The following CEP85L variants were observed in gnomAD, a reference collection of about 807,000 sequenced individuals.
CEP85L encodes the protein centrosomal protein 85L.
A neutral mutation model predicts 100.3 loss-of-function variants in CEP85L; 60 were observed. That is an observed-to-expected ratio of 0.60 (90% CI 0.49 to 0.74). The LOEUF is 0.74. Among genes scored for constraint, CEP85L ranks in the 30% least tolerant of loss-of-function variants. The pLI is 0.00. For synonymous variants in CEP85L, 319 were observed against 322.7 expected (o/e 0.99, Z 0.12); for missense variants, 973 against 936.2 (o/e 1.04, Z -0.51).
intron 2 of CEP85L, among the ~76,000 whole-genome samples, chr6:118,610,878 C>T (rs978777376): frequency 2.6e-5 from 4 of 151,908 alleles, no homozygotes; most frequent in Admixed American, 1.3e-4. Flanking sequence ...AATATTTTCA[C>T]GTGATAAAAG....
At chr6:118,681,705 A>C (rs1184931233) in intron 1 of CEP85L, among the ~76,000 whole-genome samples, 1 of 151,318 alleles carries the variant, frequency 6.6e-6, no homozygotes, top group Non-Finnish European at 1.5e-5. Context: ...TTCATTATAA[A>C]TAGATCTATT....
At chr6:118,511,466 T>C (rs200881212) in intron 4 of CEP85L, 51 bp from the exon 5 acceptor site, 5 of 1,174,486 alleles carry the variant, frequency 4.3e-6, no homozygotes, top group South Asian at 1.3e-5. Flanking sequence ...TTCTAATAGT[T>C]AGAAGAACCT....
intron 1 of CEP85L, among the ~76,000 whole-genome samples, chr6:118,668,467 G>A (rs1406265556): frequency 1.3e-5 from 2 of 152,152 alleles, no homozygotes; most frequent in Non-Finnish European, 2.9e-5. Flanking sequence ...AGCCAGATGT[G>A]GTACTGTGTG....
chr6:118,545,349 G>T (rs999765762), intron 3 of CEP85L, among the ~76,000 whole-genome samples: 1 of 152,198 alleles, frequency 6.6e-6, no homozygotes, highest in East Asian at 1.9e-4. Context: ...CAGCACTTTG[G>T]GAGGCCGAGG....
chr6:118,646,681 T>C (rs561109286), intron 1 of CEP85L, among the ~76,000 whole-genome samples: 21 of 152,220 alleles, frequency 1.4e-4, no homozygotes, highest in Admixed American at 1.2e-3. Context: ...AAAAATGATA[T>C]TGCTTAAAAA....
In CEP85L at chr6:118,463,493, T is replaced by C. The variant is rs888370008; in HGVS notation, c.*1912A>G. On this transcript the variant is annotated 3_prime_UTR_variant, in exon 13 of 13. Transcript: ENST00000368491. ...TTAGACGTTATTATCTGTTTTACCA[T>C]AAAGGACCAAGGCAGAATTCTTCGC... is the stretch of plus-strand genomic sequence containing the variant. The C allele has an allele frequency of 3.3e-5, 5 of 152,044 alleles. No homozygotes were observed. The highest frequency in any genetic ancestry group is 2.9e-5 in the Non-Finnish European group (2 of 67,928). The allele number at this position is 152,044 out of a possible 1,614,324, so 9.4% of individuals were successfully genotyped here.
chr6:118,564,634 TC>T (rs1395450418), intron 3 of CEP85L, among the ~76,000 whole-genome samples: 1 of 152,204 alleles, frequency 6.6e-6, no homozygotes, highest in Non-Finnish European at 1.5e-5. Context: ...ACAAGTGATT[TC>T]CTTATCCTTT....
At chr6:118,561,848 A>G (rs1001771653) in intron 3 of CEP85L, among the ~76,000 whole-genome samples, 3 of 152,142 alleles carry the variant, frequency 2.0e-5, no homozygotes, top group African/African-American at 4.8e-5. Context: ...AAGTCCAGAC[A>G]CACAAGAGGG....
intron 3 of CEP85L, among the ~76,000 whole-genome samples, chr6:118,555,833 G>A (rs890822789): frequency 6.6e-6 from 1 of 151,848 alleles, no homozygotes; most frequent in African/African-American, 2.4e-5. Context: ...CCCAGCGTCT[G>A]TTGTTTCCTT....
At chr6:118,702,169 C>G (rs1041862095) in intron 1 of CEP85L, among the ~76,000 whole-genome samples, 4 of 151,070 alleles carry the variant, frequency 2.6e-5, no homozygotes, top group African/African-American at 4.9e-5. Context: ...TTCACTATGA[C>G]TAATTGGATG....
chr6:118,658,991 A>G, intron 1 of CEP85L, among the ~76,000 whole-genome samples: 1 of 152,170 alleles, frequency 6.6e-6, no homozygotes. Context: ...TTTTTAACAT[A>G]CTACCTAAAA....
intron 1 of CEP85L, among the ~76,000 whole-genome samples, chr6:118,666,914 G>T (rs1372508710): frequency 6.6e-6 from 1 of 152,184 alleles, no homozygotes; most frequent in African/African-American, 2.4e-5. Context: ...GACTAGATTT[G>T]CTCAGTGACA....
chr6:118,656,487 T>G (rs1162875886), upstream of CEP85L, among the ~76,000 whole-genome samples: 1 of 152,168 alleles, frequency 6.6e-6, no homozygotes, highest in African/African-American at 2.4e-5. Flanking sequence ...GTGGAGGAAT[T>G]GATCTGTGAG....
chr6:118,608,632 C>G (rs1772407567), intron 2 of CEP85L, among the ~76,000 whole-genome samples: 1 of 152,108 alleles, frequency 6.6e-6, no homozygotes, highest in Non-Finnish European at 1.5e-5. Context: ...CCACATTTTT[C>G]AGGCCTAATA....
intron 12 of CEP85L, 88 bp downstream of exon 12, chr6:118,468,983 TA>T (rs1772735509): frequency 7.3e-6 from 6 of 826,686 alleles, no homozygotes; most frequent in Non-Finnish European, 9.8e-6. Context: ...ATTACAAAAA[TA>T]AACAGAGAAA....
chr6:118,463,047 G>C lies in CEP85L; in HGVS notation c.*2358C>G, dbSNP rs1364402845. The C allele has an allele frequency of 6.6e-6, 1 of 151,776 alleles. No homozygotes were observed. The allele number at this position is 151,776 out of a possible 1,614,324, so 9.4% of individuals were successfully genotyped here. The stretch of plus-strand genomic sequence containing the variant: ...GGGGAGGGTACAGATTTTGGAAACT[G>C]AAATGCATCAGCAGTAGTTTTGTTA... On this transcript the variant is annotated 3_prime_UTR_variant, in exon 13 of 13. Coordinates refer to ENST00000368491, the MANE Select transcript of CEP85L (RefSeq NM_001042475.3).
chr6:118,698,600 T>A (rs2114348090), intron 1 of CEP85L, among the ~76,000 whole-genome samples: 1 of 152,128 alleles, frequency 6.6e-6, no homozygotes, highest in South Asian at 2.1e-4. Flanking sequence ...TATGTCTTGA[T>A]TCACTGTGAT....
At position 118,603,041 on chromosome 6, in the gene CEP85L, C is replaced by T. The variant is rs542700780; in HGVS notation, c.232+29412G>A. Among the ~76,000 whole-genome samples, 32 of 152,210 alleles carry T rather than the reference C, an allele frequency of 2.1e-4. 1 individual carries two copies. In the South Asian group the frequency reaches 2.5e-3, roughly 12 times the overall value. On this transcript the variant is annotated intron_variant, in intron 2 of 12. Coordinates refer to ENST00000368491, the MANE Select transcript of CEP85L (RefSeq NM_001042475.3). Reference sequence around the variant, plus strand: ...TTCACCATGTTGGCCAGGCTGGTCTCGAACTCCTGACCTCATGATCCACCC... The same window carrying T: ...TTCACCATGTTGGCCAGGCTGGTCTTGAACTCCTGACCTCATGATCCACCC...
chr6:118,471,528 T>C (rs1343618093), intron 10 of CEP85L, among the ~76,000 whole-genome samples: 2 of 151,996 alleles, frequency 1.3e-5, no homozygotes, highest in Non-Finnish European at 2.9e-5. Context: ...TTCCTCACAT[T>C]ATCTTTGGAT....
Sources: allele counts gnomAD v4.1 joint callset (sites outside exome capture counted in the v4.1 genomes callset), GRCh38; gene constraint gnomAD v4.1.1; transcripts MANE v1.5; gene names NCBI Gene and HGNC (gene_info 2026-07-23, HGNC 2026-07-21).